CDH2: variants seen among roughly 807,000 people sequenced by gnomAD.
The protein encoded by CDH2 is cadherin 2, also known as cadherin-2.
A neutral mutation model predicts 92.0 loss-of-function variants in CDH2; 17 were observed. The ratio of observed to expected loss-of-function variants is 0.18; its 90% CI spans 0.13 to 0.28. The LOEUF is 0.28. Ranked by LOEUF, CDH2 falls within the 10% of genes least tolerant of loss-of-function variation. CDH2 has a pLI of 1.00. For synonymous variants in CDH2, 419 were observed against 415.9 expected (o/e 1.01, Z -0.09); for missense variants, 862 against 1,133.1 (o/e 0.76, Z 3.44).
At chr18:28,078,933 C>G (rs1160481056) in intron 2 of CDH2, among the ~76,000 whole-genome samples, 2 of 152,098 alleles carry the variant, frequency 1.3e-5, no homozygotes, top group Non-Finnish European at 1.5e-5. Flanking sequence ...TAACCTCATT[C>G]CTCCACACAC....
chr18:28,022,085 T>A (rs1276037229), intron 2 of CDH2, among the ~76,000 whole-genome samples: 1 of 152,000 alleles, frequency 6.6e-6, no homozygotes, highest in Non-Finnish European at 1.5e-5. Context: ...TATATTCCAA[T>A]GGAGAATGGT....
chr18:27,962,683 A>G (rs2143885590), intron 15 of CDH2, among the ~76,000 whole-genome samples: 1 of 152,380 alleles, frequency 6.6e-6, no homozygotes, highest in East Asian at 1.9e-4. Context: ...GACTACAGAC[A>G]TGATCAGAAG....
At chr18:28,008,609 G>T (rs530381580) in intron 5 of CDH2, among the ~76,000 whole-genome samples, 26 of 152,198 alleles carry the variant, frequency 1.7e-4, no homozygotes, top group African/African-American at 6.0e-4. Flanking sequence ...GTGGGATGAG[G>T]GGGGAAGGAT....
chr18:28,082,953 G>A (rs1207023368), intron 2 of CDH2, among the ~76,000 whole-genome samples: 4 of 152,106 alleles, frequency 2.6e-5, no homozygotes, highest in African/African-American at 7.2e-5. Flanking sequence ...CACAGTCAAC[G>A]AAAGTAGCAG....
At chr18:28,171,975 C>A (rs1458917521) in intron 1 of CDH2, among the ~76,000 whole-genome samples, 1 of 152,080 alleles carries the variant, frequency 6.6e-6, no homozygotes, top group Non-Finnish European at 1.5e-5. Flanking sequence ...CCTTTCATGA[C>A]ATAAAGTAAT....
At chr18:27,957,150 C>CCATCCATCCATCCATG (rs2011270523) in intron 15 of CDH2, among the ~76,000 whole-genome samples, 1 of 151,864 alleles carries the variant, frequency 6.6e-6, no homozygotes, top group Non-Finnish European at 1.5e-5. Context: ...ATCCATCCAT[C>CCATCCATCCATCCATG]CAAAAGCTCA....
At chr18:28,017,925 CA>C (rs1201750535) in intron 2 of CDH2, among the ~76,000 whole-genome samples, 3 of 152,032 alleles carry the variant, frequency 2.0e-5, no homozygotes, top group Non-Finnish European at 2.9e-5. Context: ...AGCAATCAGA[CA>C]AGAGAAAGAA....
At chr18:27,998,802 T>A (rs1015618447) in intron 7 of CDH2, among the ~76,000 whole-genome samples, 1 of 152,132 alleles carries the variant, frequency 6.6e-6, no homozygotes, top group Non-Finnish European at 1.5e-5. Context: ...GTATTTTTAG[T>A]AGAGACAGGG....
chr18:28,166,159 T>TATATATATATATATATATATATAA (rs2016379210), intron 1 of CDH2, among the ~76,000 whole-genome samples: 1 of 130,428 alleles, frequency 7.7e-6, no homozygotes, highest in Non-Finnish European at 1.7e-5. Context: ...CATATATATA[T>TATATATATATATATATATATATAA]ATATATATAT....
chr18:28,175,124 G>A (rs1434302249), intron 1 of CDH2, among the ~76,000 whole-genome samples: 3 of 152,098 alleles, frequency 2.0e-5, no homozygotes, highest in African/African-American at 7.2e-5. Context: ...AGTGACAGGA[G>A]GTCAAAGAAT....
chr18:28,165,433 C>T lies in CDH2; in HGVS notation c.60+11530G>A, dbSNP rs1442483938. On this transcript the variant is annotated intron_variant, in intron 1 of 15. Coordinates refer to ENST00000269141, the MANE Select transcript of CDH2 (RefSeq NM_001792.5). Reference sequence around the variant, plus strand: ...TCTCAAAGTCCTGGGGTCAAGCTATCCTCTGGCCTCAGCCTCCCAAAGTAT... The same window carrying T: ...TCTCAAAGTCCTGGGGTCAAGCTATTCTCTGGCCTCAGCCTCCCAAAGTAT... Among the ~76,000 whole-genome samples, 3 of 152,280 alleles carry T rather than the reference C, an allele frequency of 2.0e-5. No homozygotes were observed. In the East Asian group the frequency reaches 5.8e-4, roughly 29 times the overall value.
At chr18:27,945,630 G>A (rs917339492) in intron 6 of CDH2, among the ~76,000 whole-genome samples, 3 of 152,066 alleles carry the variant, frequency 2.0e-5, no homozygotes, top group Admixed American at 6.6e-5. Context: ...GTTGTTGAAT[G>A]TCTCTTCTTT....
chr18:28,114,421 T>G (rs2015461624), intron 2 of CDH2, among the ~76,000 whole-genome samples: 1 of 152,104 alleles, frequency 6.6e-6, no homozygotes, highest in Non-Finnish European at 1.5e-5. Context: ...CACAGTACAC[T>G]ATTTTTTCTA....
rs1240695240 is a variant in CDH2 at position 28,097,378 on chromosome 18, A to ATT, written c.172+50294_172+50295insAA. The ATT allele has an allele frequency of 4.0e-3, 583 of 146,188 alleles. 15 individuals are homozygous for ATT. Among genetic ancestry groups the ATT allele is most frequent in the Admixed American group, 0.027 (388 of 14,486 alleles). The allele number at this position is 146,188 out of a possible 1,614,324, so 9.1% of individuals were successfully genotyped here. ...TGGAGTTTTGTTCCTTTTTTTAAAA[A>ATT]AAAAAAAAAAAATGGAACTCACAGC... On this transcript the variant is annotated intron_variant, in intron 2 of 15. Transcript: ENST00000269141.
At chr18:28,145,830 TA>T (rs567381611) in intron 2 of CDH2, among the ~76,000 whole-genome samples, 79 of 147,944 alleles carry the variant, frequency 5.3e-4, no homozygotes, top group African/African-American at 1.5e-3. Flanking sequence ...AAAAACTGTT[TA>T]AAAAAAAAAG....
intron 1 of CDH2, among the ~76,000 whole-genome samples, chr18:28,153,551 C>T (rs1304350432): frequency 6.6e-6 from 1 of 152,142 alleles, no homozygotes; most frequent in Non-Finnish European, 1.5e-5. Flanking sequence ...CACCCCCCAA[C>T]CCCCCGGGGC....
At chr18:28,136,386 CTT>C (rs75569427) in intron 2 of CDH2, among the ~76,000 whole-genome samples, 114 of 137,284 alleles carry the variant, frequency 8.3e-4, no homozygotes, top group Middle Eastern at 3.9e-3. Flanking sequence ...TTGCTGTAAT[CTT>C]TTTTTTTTTT....
At chr18:28,048,754 A>G (rs2144122305) in intron 2 of CDH2, among the ~76,000 whole-genome samples, 1 of 152,320 alleles carries the variant, frequency 6.6e-6, no homozygotes, top group East Asian at 1.9e-4. Flanking sequence ...GAACAGGCAA[A>G]CACTGCCAGC....
chr18:28,041,623 C>T (rs2013949424), intron 2 of CDH2, among the ~76,000 whole-genome samples: 1 of 152,118 alleles, frequency 6.6e-6, no homozygotes, highest in Non-Finnish European at 1.5e-5. Context: ...GTAGAATTAG[C>T]CTAGTGATTC....
Sources: gnomAD v4.1 joint callset for allele counts (sites outside exome capture counted in the v4.1 genomes callset) on GRCh38, gnomAD v4.1.1 for gene constraint, MANE v1.5 for transcripts, NCBI Gene and HGNC (gene_info 2026-07-23, HGNC 2026-07-21) for gene names.